The following CTNNA2 variants were observed in gnomAD, a reference collection of about 807,000 sequenced individuals.
The protein encoded by CTNNA2 is catenin alpha-2.
In CTNNA2, 42 loss-of-function variants were observed where a neutral mutation model predicts 101.0. That is an observed-to-expected ratio of 0.42 (90% confidence interval 0.32 to 0.54). The LOEUF (loss-of-function observed/expected upper bound fraction) is 0.54, where lower values mean the gene tolerates loss of function less well. CTNNA2 is among the 20% of genes least tolerant of loss of function. CTNNA2 has a pLI of 0.14. For missense variants in CTNNA2, 871 were observed against 1,223.1 expected (o/e 0.71, Z 4.29); for synonymous variants, 450 against 456.4 (o/e 0.99, Z 0.18).
At chr2:80,458,714 A>G (rs932837003) in intron 9 of CTNNA2, among the ~76,000 whole-genome samples, 6 of 152,120 alleles carry the variant, frequency 3.9e-5, no homozygotes, top group Non-Finnish European at 7.4e-5. Context: ...CCACACACCA[A>G]AAGCTCTAAT....
intron 3 of CTNNA2, among the ~76,000 whole-genome samples, chr2:79,828,529 G>A (rs1182602308): frequency 6.6e-6 from 1 of 152,140 alleles, no homozygotes; most frequent in Non-Finnish European, 1.5e-5. Flanking sequence ...AGGAAAGAAA[G>A]AATACTGGAA....
intron 7 of CTNNA2, among the ~76,000 whole-genome samples, chr2:79,978,640 A>G (rs1052108883): frequency 2.6e-5 from 4 of 152,112 alleles, no homozygotes; most frequent in African/African-American, 9.7e-5. Context: ...AGTTTGATTC[A>G]TATCTGTCCA....
chr2:79,685,517 C>G (rs1394283954), intron 2 of CTNNA2, among the ~76,000 whole-genome samples: 3 of 152,222 alleles, frequency 2.0e-5, no homozygotes, highest in African/African-American at 7.2e-5. Context: ...CATGCGACCC[C>G]CAAGGTTAGC....
chr2:80,550,195 C>T (rs186556287), intron 11 of CTNNA2, among the ~76,000 whole-genome samples: 5 of 152,284 alleles, frequency 3.3e-5, no homozygotes, highest in Non-Finnish European at 5.9e-5. Flanking sequence ...GCAGTGTAGT[C>T]CATTAACTGT....
intron 12 of CTNNA2, among the ~76,000 whole-genome samples, chr2:80,560,486 G>A (rs2149672406): frequency 6.6e-6 from 1 of 152,262 alleles, no homozygotes; most frequent in Non-Finnish European, 1.5e-5. Context: ...TCAAGAATGG[G>A]TCGGTATTAA....
At chr2:80,346,860 A>G (rs889946356) in intron 7 of CTNNA2, among the ~76,000 whole-genome samples, 2 of 152,192 alleles carry the variant, frequency 1.3e-5, no homozygotes, top group African/African-American at 2.4e-5. Context: ...AGGTACCCCC[A>G]TGTGTTGAAT....
intron 5 of CTNNA2, among the ~76,000 whole-genome samples, chr2:79,507,288 A>G (rs778357800): frequency 1.3e-5 from 2 of 152,204 alleles, no homozygotes; most frequent in Non-Finnish European, 2.9e-5. Flanking sequence ...CTTAATGTTC[A>G]TGTGTTGCAA....
intron 1 of CTNNA2, among the ~76,000 whole-genome samples, chr2:79,616,909 C>CTTTTTTTTTTT (rs1425285033): frequency 2.0e-4 from 29 of 146,424 alleles, no homozygotes; most frequent in African/African-American, 7.7e-4. Flanking sequence ...TTCTTTCTTT[C>CTTTTTTTTTTT]TTTTTTTTTC....
At chr2:79,697,276 G>A (rs1684708151) in intron 2 of CTNNA2, among the ~76,000 whole-genome samples, 1 of 151,996 alleles carries the variant, frequency 6.6e-6, no homozygotes, top group Admixed American at 6.6e-5. Flanking sequence ...ACTTTGTAGA[G>A]CTGCCGTCTG....
At chr2:79,486,096 T>C (rs2104560236) in intron 4 of CTNNA2, among the ~76,000 whole-genome samples, 1 of 152,268 alleles carries the variant, frequency 6.6e-6, no homozygotes, top group East Asian at 1.9e-4. Flanking sequence ...TATTATACTT[T>C]AAGTTTTAGG....
chr2:80,022,981 A>G (rs1415973921), intron 7 of CTNNA2, among the ~76,000 whole-genome samples: 2 of 152,222 alleles, frequency 1.3e-5, no homozygotes, highest in Non-Finnish European at 2.9e-5. Context: ...CTAATGACCC[A>G]GCAACCATCA....
intron 7 of CTNNA2, among the ~76,000 whole-genome samples, chr2:80,012,885 C>A (rs982372561): frequency 1.3e-5 from 2 of 152,140 alleles, no homozygotes; most frequent in African/African-American, 2.4e-5. Context: ...ACATTCTCGA[C>A]GAGGCACAGT....
At chr2:80,548,569 C>T (rs771123945) in intron 11 of CTNNA2, among the ~76,000 whole-genome samples, 2 of 152,150 alleles carry the variant, frequency 1.3e-5, no homozygotes, top group Non-Finnish European at 2.9e-5. Context: ...CTGCTGATAA[C>T]ACTGTGCAGT....
chr2:80,095,907 A>T (rs1048031461), intron 7 of CTNNA2, among the ~76,000 whole-genome samples: 48 of 152,044 alleles, frequency 3.2e-4, no homozygotes, highest in Admixed American at 1.2e-3. Context: ...CTTCTTTATT[A>T]GTCTTGCTAG....
chr2:80,042,940 C>G (rs1696165210), intron 7 of CTNNA2, among the ~76,000 whole-genome samples: 1 of 152,108 alleles, frequency 6.6e-6, no homozygotes, highest in Non-Finnish European at 1.5e-5. Context: ...TGTGGAAGCC[C>G]AAGAGACTCA....
chr2:79,676,977 G>T (rs1378876378), intron 2 of CTNNA2, among the ~76,000 whole-genome samples: 3 of 152,034 alleles, frequency 2.0e-5, no homozygotes, highest in African/African-American at 7.2e-5. Flanking sequence ...CATCAGACCT[G>T]CCCAGGTCTG....
chr2:80,140,399 T>C (rs1702941455), intron 7 of CTNNA2, among the ~76,000 whole-genome samples: 1 of 152,170 alleles, frequency 6.6e-6, no homozygotes, highest in African/African-American at 2.4e-5. Context: ...CAAGTCTGAC[T>C]TACAGCCCAG....
At chr2:80,253,610 C>T (rs1201041717) in intron 7 of CTNNA2, among the ~76,000 whole-genome samples, 1 of 152,130 alleles carries the variant, frequency 6.6e-6, no homozygotes, top group African/African-American at 2.4e-5. Flanking sequence ...TCATGCTCCC[C>T]AATCTGCTCT....
chr2:80,080,483 G>T (rs558095745), intron 7 of CTNNA2, among the ~76,000 whole-genome samples: 9 of 152,158 alleles, frequency 5.9e-5, no homozygotes, highest in Non-Finnish European at 1.3e-4. Flanking sequence ...AGATTGTAGA[G>T]CTAAGTGTAA....
Sources: allele counts gnomAD v4.1 joint callset (sites outside exome capture counted in the v4.1 genomes callset), GRCh38; gene constraint gnomAD v4.1.1; transcripts MANE v1.5; gene names NCBI Gene and HGNC (gene_info 2026-07-23, HGNC 2026-07-21).